HIBADH: variants seen among roughly 807,000 people sequenced by gnomAD.
HIBADH encodes 3-hydroxyisobutyrate dehydrogenase, also known as 3-hydroxyisobutyrate dehydrogenase, mitochondrial.
Under a neutral mutation model 36.1 loss-of-function variants are expected in HIBADH, and 25 were observed. That is an observed-to-expected ratio of 0.69 (90% CI 0.50 to 0.97). HIBADH has a LOEUF of 0.97. HIBADH is among the 50% of genes least tolerant of loss of function. HIBADH has a pLI of 0.00. For missense variants in HIBADH, 421 were observed against 418.0 expected (o/e 1.01, Z -0.06); for synonymous variants, 160 against 149.5 (o/e 1.07, Z -0.51).
At chr7:27,594,025 A>AAAT (rs1784985495) in intron 4 of HIBADH, among the ~76,000 whole-genome samples, 5 of 149,548 alleles carry the variant, frequency 3.3e-5, no homozygotes, top group South Asian at 2.1e-4. Flanking sequence ...TCCGTCTCAA[A>AAAT]AAATAAATAA....
At chr7:27,638,157 T>G (rs1351240722) in intron 2 of HIBADH, among the ~76,000 whole-genome samples, 3 of 151,944 alleles carry the variant, frequency 2.0e-5, no homozygotes, top group Non-Finnish European at 4.4e-5. Flanking sequence ...GGAGGCATCA[T>G]GTTACCCAAC....
At chr7:27,629,132 G>A (rs1785700494) in intron 4 of HIBADH, among the ~76,000 whole-genome samples, 1 of 151,584 alleles carries the variant, frequency 6.6e-6, no homozygotes. Context: ...CACAGTAAAT[G>A]GACCAAAAAT....
At chr7:27,534,323 C>G (rs1784042078) in intron 6 of HIBADH, among the ~76,000 whole-genome samples, 1 of 152,102 alleles carries the variant, frequency 6.6e-6, no homozygotes, top group African/African-American at 2.4e-5. Context: ...ATCACAGGAA[C>G]AGATCTGGAA....
chr7:27,534,823 A>G (rs917951014), intron 6 of HIBADH, among the ~76,000 whole-genome samples: 3 of 151,804 alleles, frequency 2.0e-5, no homozygotes, highest in Non-Finnish European at 4.4e-5. Context: ...ATTACCACAT[A>G]TCGACACCTA....
At chr7:27,539,358 G>C (rs1003911558) in intron 5 of HIBADH, among the ~76,000 whole-genome samples, 1 of 152,160 alleles carries the variant, frequency 6.6e-6, no homozygotes, top group South Asian at 2.1e-4. Context: ...CTTGGAGACT[G>C]ACTGGACAAG....
At chr7:27,563,577 A>T (rs1173558137) in intron 4 of HIBADH, among the ~76,000 whole-genome samples, 1 of 152,244 alleles carries the variant, frequency 6.6e-6, no homozygotes, top group African/African-American at 2.4e-5. Flanking sequence ...GTATTTTAAA[A>T]GTTGCTGTAG....
At chr7:27,644,247 C>T (rs1160459576) in intron 2 of HIBADH, among the ~76,000 whole-genome samples, 1 of 152,026 alleles carries the variant, frequency 6.6e-6, no homozygotes. Flanking sequence ...GGGCAGATCA[C>T]GAGGTCAAGA....
intron 4 of HIBADH, among the ~76,000 whole-genome samples, chr7:27,622,027 G>T (rs1313767600): frequency 6.6e-6 from 1 of 152,036 alleles, no homozygotes; most frequent in African/African-American, 2.4e-5. Context: ...GGCCAAGGTA[G>T]GAGGATCACT....
chr7:27,644,839 C>T (rs781693379), intron 2 of HIBADH, among the ~76,000 whole-genome samples: 3 of 151,964 alleles, frequency 2.0e-5, no homozygotes, highest in Non-Finnish European at 4.4e-5. Context: ...TCTTCCCCAG[C>T]GCTAAGCAAC....
intron 4 of HIBADH, among the ~76,000 whole-genome samples, chr7:27,583,436 CTT>C (rs1784819852): frequency 1.0e-4 from 1 of 9,966 alleles, no homozygotes; most frequent in Non-Finnish European, 1.6e-4. Context: ...GTTATGACAA[CTT>C]CAAAAAAACT....
intron 6 of HIBADH, among the ~76,000 whole-genome samples, chr7:27,536,332 ATTT>A (rs1165505118): frequency 6.6e-6 from 1 of 152,112 alleles, no homozygotes; most frequent in African/African-American, 2.4e-5. Flanking sequence ...CTTATAAATT[ATTT>A]TTAACAGTTA....
At chr7:27,595,767 TC>T (rs1272746873) in intron 4 of HIBADH, among the ~76,000 whole-genome samples, 4 of 152,216 alleles carry the variant, frequency 2.6e-5, no homozygotes, top group South Asian at 4.2e-4. Flanking sequence ...CTGTAAGTAC[TC>T]AAGAAATAGC....
chr7:27,643,604 C>A (rs1786001057), intron 2 of HIBADH, among the ~76,000 whole-genome samples: 1 of 152,202 alleles, frequency 6.6e-6, no homozygotes, highest in Non-Finnish European at 1.5e-5. Flanking sequence ...TCAAAACCTA[C>A]ACATTTTGTA....
intron 4 of HIBADH, among the ~76,000 whole-genome samples, chr7:27,553,894 G>A (rs1784355830): frequency 6.6e-6 from 1 of 152,102 alleles, no homozygotes; most frequent in South Asian, 2.1e-4. Flanking sequence ...TGTCGCCCAG[G>A]CTGTAGTACA....
intron 4 of HIBADH, among the ~76,000 whole-genome samples, chr7:27,567,075 T>C (rs1784557297): frequency 6.6e-6 from 1 of 151,336 alleles, no homozygotes; most frequent in African/African-American, 2.4e-5. Context: ...TTCTTTTATA[T>C]TGTTGTTGAT....
chr7:27,572,744 T>G (rs188056630), intron 4 of HIBADH, among the ~76,000 whole-genome samples: 10 of 152,306 alleles, frequency 6.6e-5, no homozygotes, highest in Non-Finnish European at 1.0e-4. Flanking sequence ...CTGAATATCT[T>G]CTGTATACAA....
chr7:27,540,395 T>C lies in HIBADH; in HGVS notation c.619-1978A>G, dbSNP rs183813213. The stretch of plus-strand genomic sequence containing the variant: ...GCTGTGGTGTCTATTAGCTCTTGAA[T>C]TAATCCAAGATCCATATCTTGAAAG... On this transcript the variant is annotated intron_variant, in intron 5 of 7. Coordinates refer to ENST00000265395, the MANE Select transcript of HIBADH (RefSeq NM_152740.4). Among the ~76,000 whole-genome samples, 31 of 152,294 alleles carry C rather than the reference T, an allele frequency of 2.0e-4. No homozygotes were observed. The East Asian group carries it at 5.8e-3, about 28-fold the overall frequency.
intron 1 of HIBADH, among the ~76,000 whole-genome samples, chr7:27,661,856 T>G (rs370735016): frequency 3.3e-5 from 5 of 152,096 alleles, no homozygotes; most frequent in African/African-American, 1.2e-4. Flanking sequence ...GAACAACTGA[T>G]AACAACTTTC....
chr7:27,572,784 C>T (rs557048036), intron 4 of HIBADH, among the ~76,000 whole-genome samples: 79 of 152,218 alleles, frequency 5.2e-4, no homozygotes, highest in African/African-American at 1.8e-3. Flanking sequence ...TCAGGGTATA[C>T]AAAAATAATT....
Sources: gnomAD v4.1 joint callset for allele counts (sites outside exome capture counted in the v4.1 genomes callset) on GRCh38, gnomAD v4.1.1 for gene constraint, MANE v1.5 for transcripts, NCBI Gene and HGNC (gene_info 2026-07-23, HGNC 2026-07-21) for gene names.